CHD9: variants seen among roughly 807,000 people sequenced by gnomAD.
CHD9 encodes the protein chromodomain helicase DNA binding protein 9, also known as ATP-dependent chromatin remodeler CHD9.
Under a neutral mutation model 316.1 loss-of-function variants are expected in CHD9, and 77 were observed. The observed-to-expected ratio is 0.24, with a 90% CI of 0.20 to 0.29. CHD9 has a LOEUF of 0.29. Ranked by LOEUF, CHD9 falls within the 10% of genes least tolerant of loss-of-function variation. CHD9 has a pLI of 1.00. For synonymous variants in CHD9, 1,129 were observed against 1,158.3 expected (o/e 0.97, Z 0.51); for missense variants, 2,763 against 3,438.1 (o/e 0.80, Z 4.91).
At chr16:53,284,592 A>G (rs1238120704) in intron 24 of CHD9, among the ~76,000 whole-genome samples, 1 of 152,192 alleles carries the variant, frequency 6.6e-6, no homozygotes, top group Non-Finnish European at 1.5e-5. Context: ...AGTGACGAGC[A>G]AAGAATAAGA....
At chr16:53,308,625 A>G (rs1222290044) in intron 33 of CHD9, 61 bp from the exon 34 acceptor site, 4 of 1,292,892 alleles carry the variant, frequency 3.1e-6, no homozygotes, top group Non-Finnish European at 4.4e-6. Context: ...AATTCTCTTA[A>G]TATCCTGCAA....
chr16:53,321,283 T>C, intron 37 of CHD9: 1 of 1,351,240 alleles, frequency 7.4e-7, no homozygotes, highest in Non-Finnish European at 9.6e-7. Flanking sequence ...TGGTAGTTAT[T>C]CATTTTACTG....
At chr16:53,270,068 GA>G (rs2052088934) in intron 22 of CHD9, among the ~76,000 whole-genome samples, 1 of 151,710 alleles carries the variant, frequency 6.6e-6, no homozygotes, top group South Asian at 2.1e-4. Flanking sequence ...GTTGTGACGT[GA>G]ACACGGCTCA....
At chr16:53,244,385 G>C (rs1417943692) in intron 13 of CHD9, among the ~76,000 whole-genome samples, 1 of 151,638 alleles carries the variant, frequency 6.6e-6, no homozygotes, top group African/African-American at 2.4e-5. Context: ...GTAGAGATGG[G>C]GTTTCTCCGT....
chr16:53,132,889 A>G (rs1014634269), intron 1 of CHD9, among the ~76,000 whole-genome samples: 5 of 144,768 alleles, frequency 3.5e-5, no homozygotes, highest in African/African-American at 1.3e-4. Context: ...GCTCACTGCA[A>G]CCTCTTCCTC....
At chr16:53,132,793 C>CTTTTTTTTTTT (rs748626858) in intron 1 of CHD9, among the ~76,000 whole-genome samples, 10 of 68,508 alleles carry the variant, frequency 1.5e-4, no homozygotes, top group Non-Finnish European at 2.1e-4. Flanking sequence ...TCTAATTCTG[C>CTTTTTTTTTTT]TTTTTTTTTT....
intron 38 of CHD9, among the ~76,000 whole-genome samples, chr16:53,322,217 G>T (rs1381652478): frequency 2.0e-5 from 3 of 150,888 alleles, no homozygotes; most frequent in African/African-American, 7.3e-5. Context: ...GGCTGGTCTT[G>T]AACTCCTGGC....
intron 2 of CHD9, among the ~76,000 whole-genome samples, chr16:53,190,109 T>G (rs141846407): frequency 4.6e-5 from 7 of 152,154 alleles, no homozygotes; most frequent in Admixed American, 4.6e-4. Context: ...CAAATTATTC[T>G]TAATATCACC....
intron 1 of CHD9, among the ~76,000 whole-genome samples, chr16:53,108,679 A>G (rs948172534): frequency 1.3e-5 from 2 of 152,094 alleles, no homozygotes; most frequent in African/African-American, 4.8e-5. Flanking sequence ...GTTTGAGATC[A>G]GCCTGGCCAA....
chr16:53,246,239 T>C lies in CHD9; in HGVS notation c.3454+389T>C, dbSNP rs146697749. Among the ~76,000 whole-genome samples, 367 of 152,364 alleles carry C rather than the reference T, an allele frequency of 2.4e-3. 3 individuals carry two copies. The highest frequency in any genetic ancestry group is 8.5e-3 in the African/African-American group (354 of 41,586). The stretch of plus-strand genomic sequence containing the variant: ...AATAATGTTACTTTTTAAGATCTTA[T>C]CAGGTTCTTTCCCAGTGTTCTCTCT... On this transcript the variant is annotated intron_variant, in intron 15 of 38. Transcript: ENST00000447540.
At chr16:53,120,245 A>G (rs2038636798) in intron 1 of CHD9, among the ~76,000 whole-genome samples, 1 of 152,034 alleles carries the variant, frequency 6.6e-6, no homozygotes, top group East Asian at 1.9e-4. Context: ...AAAAATAAAA[A>G]TAAAAAAATT....
intron 3 of CHD9, among the ~76,000 whole-genome samples, chr16:53,214,182 AT>A (rs993267161): frequency 2.0e-5 from 3 of 152,118 alleles, no homozygotes; most frequent in African/African-American, 7.2e-5. Context: ...ATAGGTGTGT[AT>A]TTTTAACAAA....
At chr16:53,116,604 G>A (rs982910285) in intron 1 of CHD9, among the ~76,000 whole-genome samples, 20 of 152,160 alleles carry the variant, frequency 1.3e-4, no homozygotes, top group African/African-American at 4.6e-4. Flanking sequence ...GGAGAGATAG[G>A]AACGTTTTTA....
chr16:53,185,198 A>G lies in CHD9; in HGVS notation c.1453-24284A>G, dbSNP rs188308173. Among the ~76,000 whole-genome samples, 4 of 152,342 alleles carry G rather than the reference A, an allele frequency of 2.6e-5. No homozygotes were observed. In the East Asian group the frequency reaches 5.8e-4, roughly 22 times the overall value. On this transcript the variant is annotated intron_variant, in intron 2 of 38. Transcript: ENST00000447540. Reference sequence around the variant, plus strand: ...GGAGGTCTCAGAAGAAGACAGGAAAATGTTGGAAAGTTTCAGACTTCCTAC... The same window carrying G: ...GGAGGTCTCAGAAGAAGACAGGAAAGTGTTGGAAAGTTTCAGACTTCCTAC...
intron 19 of CHD9, among the ~76,000 whole-genome samples, 168 bp from the exon 20 acceptor site, chr16:53,262,819 C>T (rs2152992257): frequency 6.6e-6 from 1 of 152,266 alleles, no homozygotes; most frequent in Middle Eastern, 3.4e-3. Flanking sequence ...TGCATTAAGC[C>T]TTTGCCTTAA....
At chr16:53,286,076 A>G in intron 25 of CHD9, 150 bp from the exon 26 acceptor site, 1 of 537,600 alleles carries the variant, frequency 1.9e-6, no homozygotes, top group Non-Finnish European at 3.3e-6. Context: ...GTTTGTGATA[A>G]TTTCTAGAAA....
intron 1 of CHD9, among the ~76,000 whole-genome samples, chr16:53,079,162 C>G (rs768651542): frequency 6.6e-6 from 1 of 152,194 alleles, no homozygotes; most frequent in Non-Finnish European, 1.5e-5. Flanking sequence ...TCGTACCCCT[C>G]AAAAGATTTT....
intron 1 of CHD9, among the ~76,000 whole-genome samples, chr16:53,087,271 G>A (rs566449910): frequency 6.6e-5 from 10 of 152,222 alleles, no homozygotes; most frequent in African/African-American, 2.4e-4. Context: ...CCTCCTGTTG[G>A]TGCTTTTCTT....
At chr16:53,070,251 T>C (rs1281099948) in intron 1 of CHD9, among the ~76,000 whole-genome samples, 1 of 152,144 alleles carries the variant, frequency 6.6e-6, no homozygotes, top group African/African-American at 2.4e-5. Context: ...AAGTTTTTAA[T>C]TTTAATGTTT....
Sources: allele counts gnomAD v4.1 joint callset (sites outside exome capture counted in the v4.1 genomes callset), GRCh38; gene constraint gnomAD v4.1.1; transcripts MANE v1.5; gene names NCBI Gene and HGNC (gene_info 2026-07-23, HGNC 2026-07-21).